The following PPP3CA variants were observed in gnomAD, a reference collection of about 807,000 sequenced individuals.
PPP3CA encodes CAM-PRP catalytic subunit.
PPP3CA carries 14 observed loss-of-function variants against 66.5 expected under a neutral mutation model. That is an observed-to-expected ratio of 0.21 (90% confidence interval 0.14 to 0.33). The LOEUF is 0.33. PPP3CA is among the 10% of genes least tolerant of loss of function. PPP3CA has a pLI of 1.00. For synonymous variants in PPP3CA, 232 were observed against 226.2 expected, an observed-to-expected ratio of 1.03 and a Z score of -0.23; for missense variants, 317 against 639.5, an observed-to-expected ratio of 0.50 and a Z score of 5.44.
At chr4:101,047,646 GGATCTC>G in intron 10 of PPP3CA, among the ~76,000 whole-genome samples, 1 of 152,072 alleles carries the variant, frequency 6.6e-6, no homozygotes, top group East Asian at 1.9e-4. Flanking sequence ...AAATTAGACA[GGATCTC>G]TCCATGTGGC....
intron 6 of PPP3CA, among the ~76,000 whole-genome samples, chr4:101,087,571 A>G (rs1296412308): frequency 6.6e-6 from 1 of 152,116 alleles, no homozygotes; most frequent in Non-Finnish European, 1.5e-5. Context: ...ATCATACAGT[A>G]TCTACTGGTC....
chr4:101,064,670 C>A (rs1167811606), intron 8 of PPP3CA, among the ~76,000 whole-genome samples: 2 of 151,966 alleles, frequency 1.3e-5, no homozygotes, highest in Non-Finnish European at 2.9e-5. Flanking sequence ...TCCCCTTTCG[C>A]CCTCTTTAAT....
At chr4:101,046,083 A>T (rs1727751660) in intron 10 of PPP3CA, among the ~76,000 whole-genome samples, 1 of 152,174 alleles carries the variant, frequency 6.6e-6, no homozygotes, top group South Asian at 2.1e-4. Flanking sequence ...GGGAGGATGC[A>T]TGAGCTTGCT....
chr4:101,172,098 C>T (rs1447720106), intron 2 of PPP3CA, among the ~76,000 whole-genome samples: 5 of 152,082 alleles, frequency 3.3e-5, no homozygotes, highest in Non-Finnish European at 7.4e-5. Context: ...AAGGAAGAAA[C>T]AAAATGCCAT....
At chr4:101,149,682 A>C (rs1723077204) in intron 2 of PPP3CA, among the ~76,000 whole-genome samples, 1 of 152,134 alleles carries the variant, frequency 6.6e-6, no homozygotes, top group Non-Finnish European at 1.5e-5. Flanking sequence ...TTAATTCCTC[A>C]AACATTTATC....
chr4:101,155,247 A>G (rs1723281052), intron 2 of PPP3CA, among the ~76,000 whole-genome samples: 1 of 152,236 alleles, frequency 6.6e-6, no homozygotes, highest in South Asian at 2.1e-4. Context: ...TAGCTAGCAC[A>G]GTGCTTGACA....
chr4:101,221,201 T>C (rs959342113), intron 1 of PPP3CA, among the ~76,000 whole-genome samples: 2 of 151,542 alleles, frequency 1.3e-5, no homozygotes, highest in Non-Finnish European at 3.0e-5. Flanking sequence ...GTGTAAAGTG[T>C]TAAATTTTGT....
At chr4:101,332,580 T>G (rs1399895383) in intron 1 of PPP3CA, among the ~76,000 whole-genome samples, 1 of 152,084 alleles carries the variant, frequency 6.6e-6, no homozygotes, top group East Asian at 1.9e-4. Flanking sequence ...TTAATGAAAA[T>G]TACTACTACT....
chr4:101,138,571 T>C (rs1348622796), intron 2 of PPP3CA, among the ~76,000 whole-genome samples: 3 of 152,216 alleles, frequency 2.0e-5, no homozygotes, highest in Non-Finnish European at 4.4e-5. Context: ...AATCCAAAAA[T>C]CTAAAATCTT....
At chr4:101,253,099 C>T (rs139143047) in intron 1 of PPP3CA, among the ~76,000 whole-genome samples, 1 of 152,122 alleles carries the variant, frequency 6.6e-6, no homozygotes, top group East Asian at 1.9e-4. Flanking sequence ...AAAACAACAA[C>T]ATTTCATAGA....
At chr4:101,271,824 A>G (rs1727345298) in intron 1 of PPP3CA, among the ~76,000 whole-genome samples, 1 of 152,188 alleles carries the variant, frequency 6.6e-6, no homozygotes, top group Non-Finnish European at 1.5e-5. Flanking sequence ...GGGCCCAAAA[A>G]TGTGGTGGAC....
At chr4:101,317,857 T>C (rs6827528) in intron 1 of PPP3CA, among the ~76,000 whole-genome samples, 15,994 of 152,188 alleles carry the variant, frequency 0.11, 2,865 homozygotes, top group African/African-American at 0.36. Flanking sequence ...TGTGCAATCA[T>C]GGGCAAGCTG....
intron 1 of PPP3CA, among the ~76,000 whole-genome samples, chr4:101,210,335 G>A (rs1310729305): frequency 6.6e-6 from 1 of 152,156 alleles, no homozygotes; most frequent in Non-Finnish European, 1.5e-5. Context: ...AAGCTTTTCA[G>A]AGACAGTAAG....
intron 2 of PPP3CA, among the ~76,000 whole-genome samples, chr4:101,128,973 A>G (rs938464246): frequency 3.9e-5 from 6 of 152,124 alleles, no homozygotes; most frequent in African/African-American, 1.4e-4. Flanking sequence ...ACCCCCATGG[A>G]GCCCAGCAAG....
chr4:101,335,079 G>A (rs1405368416), intron 1 of PPP3CA, among the ~76,000 whole-genome samples: 1 of 151,928 alleles, frequency 6.6e-6, no homozygotes, highest in Admixed American at 6.6e-5. Flanking sequence ...TCGTTTATAC[G>A]TAGATATCTT....
intron 1 of PPP3CA, among the ~76,000 whole-genome samples, chr4:101,261,090 C>T (rs1288053410): frequency 6.6e-6 from 1 of 152,098 alleles, no homozygotes; most frequent in Non-Finnish European, 1.5e-5. Flanking sequence ...ATATAGCAGT[C>T]TCTAGCTAAA....
chr4:101,143,784 A>G (rs572041073), intron 2 of PPP3CA, among the ~76,000 whole-genome samples: 1 of 152,312 alleles, frequency 6.6e-6, no homozygotes, highest in Admixed American at 6.5e-5. Flanking sequence ...TCTAAACCAG[A>G]TCTCCCAAAT....
At chr4:101,328,522 G>A (rs1729274691) in intron 1 of PPP3CA, among the ~76,000 whole-genome samples, 1 of 152,136 alleles carries the variant, frequency 6.6e-6, no homozygotes, top group Non-Finnish European at 1.5e-5. Context: ...TTTCACTTTA[G>A]CTATGTGTGG....
At chr4:101,100,840 A>G (rs1157700282) in intron 3 of PPP3CA, among the ~76,000 whole-genome samples, 2 of 152,170 alleles carry the variant, frequency 1.3e-5, no homozygotes, top group Non-Finnish European at 2.9e-5. Context: ...TACAGTAGAT[A>G]TCCTGGATAA....
Sources: gnomAD v4.1 joint callset for allele counts (sites outside exome capture counted in the v4.1 genomes callset) on GRCh38, gnomAD v4.1.1 for gene constraint, MANE v1.5 for transcripts, NCBI Gene and HGNC (gene_info 2026-07-23, HGNC 2026-07-21) for gene names.